The following CXADR variants were observed in gnomAD, a reference collection of about 807,000 sequenced individuals.
CXADR encodes CXADR cell adhesion molecule, also known as coxsackievirus and adenovirus receptor.
Under a neutral mutation model 40.3 loss-of-function variants are expected in CXADR, and 20 were observed. That is an observed-to-expected ratio of 0.50 (90% CI 0.35 to 0.72). The LOEUF is 0.72. CXADR is among the 30% of genes least tolerant of loss of function. The pLI is 0.01. For missense variants in CXADR, 332 were observed against 449.1 expected (o/e 0.74, Z 2.36); for synonymous variants, 150 against 161.3 (o/e 0.93, Z 0.53).
the CXADR span, among the ~76,000 whole-genome samples, chr21:17,602,361 A>AT: frequency 1.3e-5 from 2 of 151,682 alleles, no homozygotes; most frequent in African/African-American, 4.8e-5. Context: ...GTGCATCTCA[A>AT]TTTTTTTTTA....
At chr21:17,584,007 G>T (rs2061377767) in intron 7 of CXADR, among the ~76,000 whole-genome samples, 1 of 152,180 alleles carries the variant, frequency 6.6e-6, no homozygotes, top group African/African-American at 2.4e-5. Flanking sequence ...TTCGAGGCTT[G>T]CATACATAGG....
downstream of CXADR, chr21:17,594,418 T>A: frequency 7.5e-7 from 1 of 1,328,736 alleles, no homozygotes; most frequent in Admixed American, 2.1e-5. Context: ...CAAACAAAGT[T>A]ACCCACAACA....
chr21:17,632,881 A>G, the CXADR span, among the ~76,000 whole-genome samples: 1 of 152,200 alleles, frequency 6.6e-6, no homozygotes, highest in African/African-American at 2.4e-5. Context: ...AAATAAAAAA[A>G]TAAAACTCTG....
At chr21:17,570,593 A>C (rs1314574059), downstream of CXADR, among the ~76,000 whole-genome samples, 7 of 152,272 alleles carry the variant, frequency 4.6e-5, 1 homozygote, top group Admixed American at 2.0e-4. Flanking sequence ...AATGCTATTC[A>C]TGAGAGTGGA....
downstream of CXADR, among the ~76,000 whole-genome samples, chr21:17,595,692 A>T (rs1284362721): frequency 6.6e-6 from 1 of 151,862 alleles, no homozygotes; most frequent in Non-Finnish European, 1.5e-5. Context: ...TACTATTAAA[A>T]AAACAATGAT....
the CXADR span, among the ~76,000 whole-genome samples, chr21:17,618,975 G>C: frequency 6.6e-6 from 1 of 152,166 alleles, no homozygotes; most frequent in African/African-American, 2.4e-5. Flanking sequence ...TGGGTGACTA[G>C]GTAAATTGTC....
intron 2 of CXADR, among the ~76,000 whole-genome samples, chr21:17,548,047 G>A (rs986794024): frequency 1.4e-4 from 21 of 152,070 alleles, no homozygotes; most frequent in South Asian, 2.1e-4. Flanking sequence ...GGCTTTGTCT[G>A]ACACATTTAA....
At chr21:17,618,147 A>G in the CXADR span, among the ~76,000 whole-genome samples, 2 of 152,202 alleles carry the variant, frequency 1.3e-5, no homozygotes, top group Admixed American at 6.5e-5. Flanking sequence ...TAAAGGCTGC[A>G]GTAAGCCTTG....
At chr21:17,561,114 T>C (rs996861252) in intron 5 of CXADR, among the ~76,000 whole-genome samples, 2 of 152,232 alleles carry the variant, frequency 1.3e-5, no homozygotes, top group African/African-American at 4.8e-5. Context: ...TAGCTTTGAA[T>C]ATTAAAATCT....
the CXADR span, chr21:17,605,215 A>G: frequency 2.1e-6 from 1 of 467,650 alleles, no homozygotes; most frequent in South Asian, 3.1e-5. Flanking sequence ...GCCCAAGGAA[A>G]TCACTAGTAC....
intron 4 of CXADR, among the ~76,000 whole-genome samples, chr21:17,560,405 G>T (rs935008129): frequency 3.3e-5 from 5 of 152,176 alleles, no homozygotes; most frequent in Admixed American, 1.3e-4. Context: ...AGCGTTTATA[G>T]TCTTATGTGC....
chr21:17,562,343 A>C (rs1350574019), intron 6 of CXADR, among the ~76,000 whole-genome samples: 3 of 152,128 alleles, frequency 2.0e-5, no homozygotes, highest in Non-Finnish European at 4.4e-5. Context: ...TTTCTGAGAC[A>C]AGGTCTCGCT....
intron 1 of CXADR, chr21:17,543,085 C>CA (rs924513881): frequency 8.9e-6 from 3 of 338,348 alleles, no homozygotes; most frequent in African/African-American, 4.4e-5. Flanking sequence ...AAACAAAAAA[C>CA]AAAAAAATCT....
intron 1 of CXADR, among the ~76,000 whole-genome samples, chr21:17,521,546 C>T (rs1164489442): frequency 1.3e-5 from 2 of 151,744 alleles, no homozygotes; most frequent in African/African-American, 4.9e-5. Context: ...TGGTCTCGAA[C>T]TCCTGACCTC....
In CXADR at chr21:17,547,050, A is replaced by G. The variant is rs769721975; in HGVS notation, c.67A>G (p.Thr23Ala). ...AGATTTCGCCAGAAGTTTGAGTATC[A>G]CTACTCCTGAAGAGATGATTGAAAA... ...VVDFARSLSI[T>A]TPEEMIEKAK... Residue 23 changes from threonine (T) to alanine (A), a missense_variant, in exon 2 of 7, where the codon ACT (threonine) becomes GCT (alanine). Coordinates refer to ENST00000284878, the MANE Select transcript of CXADR (RefSeq NM_001338.5). 6 of 1,612,860 alleles carry G rather than the reference A, an allele frequency of 3.7e-6. No individual in the cohort carries two copies. The Middle Eastern group carries it at 7.6e-4, about 203-fold the overall frequency.
the CXADR span, among the ~76,000 whole-genome samples, chr21:17,618,077 C>T: frequency 6.6e-6 from 1 of 152,188 alleles, no homozygotes; most frequent in Non-Finnish European, 1.5e-5. Flanking sequence ...TGTAGCCAGG[C>T]ACCGTGGCTC....
At chr21:17,598,659 C>A in the CXADR span, 17 of 1,614,088 alleles carry the variant, frequency 1.1e-5, no homozygotes, top group African/African-American at 8.0e-5. Flanking sequence ...AACTGGGTTT[C>A]ACTTCCATTT....
the CXADR span, among the ~76,000 whole-genome samples, chr21:17,631,215 CACTT>C: frequency 4.6e-5 from 7 of 152,252 alleles, no homozygotes; most frequent in Admixed American, 1.3e-4. Context: ...TAGATTATGA[CACTT>C]ACGGTAGAAT....
In CXADR at chr21:17,569,367, T is replaced by A. The variant is rs890756122; in HGVS notation, c.*3675T>A. 34 of 614,326 alleles carry A rather than the reference T, an allele frequency of 5.5e-5. No homozygotes were observed. Among genetic ancestry groups the A allele is most frequent in the Admixed American group, 1.0e-4 (1 of 9,712 alleles). 38.1% of individuals were successfully genotyped at this position (614,326 alleles called of 1,614,324 possible). A position where few individuals can be genotyped will look rare whatever the true frequency, so the allele number is the denominator to read the frequency against. ...CTTAGTGGCTTGTGACATTATATATTATATATATATATGTACATATATCTT... is the reference window on the plus strand; with the variant it reads ...CTTAGTGGCTTGTGACATTATATATAATATATATATATGTACATATATCTT... On this transcript the variant is annotated 3_prime_UTR_variant, in exon 7 of 7. Coordinates refer to ENST00000284878, the MANE Select transcript of CXADR (RefSeq NM_001338.5).
Sources: gnomAD v4.1 joint callset for allele counts (sites outside exome capture counted in the v4.1 genomes callset) on GRCh38, gnomAD v4.1.1 for gene constraint, MANE v1.5 for transcripts, NCBI Gene and HGNC (gene_info 2026-07-23, HGNC 2026-07-21) for gene names.